ATG13: variants seen among roughly 807,000 people sequenced by gnomAD.
ATG13 encodes the protein autophagy related 13, also known as autophagy-related protein 13.
Under a neutral mutation model 65.5 loss-of-function variants are expected in ATG13, and 23 were observed. The observed-to-expected ratio is 0.35, with a 90% confidence interval of 0.25 to 0.50. ATG13 has a LOEUF of 0.50. ATG13 is among the 20% of genes least tolerant of loss of function. The pLI, the probability that ATG13 is intolerant of heterozygous loss-of-function variation, is 0.98. For missense variants in ATG13, 566 were observed against 677.0 expected (o/e 0.84, Z 1.82); for synonymous variants, 252 against 245.2 (o/e 1.03, Z -0.26).
chr11:46,620,139 G>A (rs2046986752), intron 1 of ATG13, among the ~76,000 whole-genome samples: 1 of 151,732 alleles, frequency 6.6e-6, no homozygotes, highest in African/African-American at 2.4e-5. Flanking sequence ...TGCCCAGGCT[G>A]GAGGACAGTG....
Position 46,617,654 on chromosome 11 carries a change from G to T in ATG13, c.-306G>T, listed in dbSNP as rs1475976640. On this transcript the variant is annotated 5_prime_UTR_variant, in exon 1 of 19. Coordinates refer to ENST00000683050, the MANE Select transcript of ATG13 (RefSeq NM_001346311.2). ...GGGAGTGACCGCTTAACCAGTGAGG[G>T]AAGCACTGAAGAGCGCCAGTCGACG... is the stretch of plus-strand genomic sequence containing the variant. 2.5e-5 allele frequency: 10 copies of T among 392,700 alleles called. No individual in the cohort carries two copies. In the Admixed American group the frequency reaches 4.4e-4, roughly 17 times the overall value. 24.3% of individuals were successfully genotyped at this position (392,700 alleles called of 1,614,324 possible).
intron 1 of ATG13, among the ~76,000 whole-genome samples, chr11:46,618,885 A>T (rs1280420207): frequency 1.3e-5 from 2 of 152,138 alleles, no homozygotes; most frequent in Non-Finnish European, 2.9e-5. Flanking sequence ...TGGCGCCTTC[A>T]TAGCTAACTT....
At chr11:46,652,542 T>C (rs1233003765) in intron 7 of ATG13, among the ~76,000 whole-genome samples, 1 of 151,892 alleles carries the variant, frequency 6.6e-6, no homozygotes, top group African/African-American at 2.4e-5. Context: ...TAGTGATACC[T>C]TGTCTCTACT....
At chr11:46,646,395 G>A (rs559589141) in intron 5 of ATG13, among the ~76,000 whole-genome samples, 17 of 152,140 alleles carry the variant, frequency 1.1e-4, no homozygotes, top group Non-Finnish European at 1.5e-5. Context: ...TGATCCGCCC[G>A]CATTGGCCTC....
intron 8 of ATG13, chr11:46,656,502 A>T (rs887813606): frequency 2.1e-5 from 8 of 385,268 alleles, no homozygotes; most frequent in Non-Finnish European, 3.7e-5. Context: ...CTTACTCTTT[A>T]TAAAACTGTA....
At position 46,628,444 on chromosome 11, in the gene ATG13, T is replaced by A. The variant is rs143698847; in HGVS notation, c.-69-1601T>A. Among the ~76,000 whole-genome samples the A allele has an allele frequency of 4.3e-4, 66 of 152,218 alleles. 1 individual carries two copies. The highest frequency in any genetic ancestry group is 8.4e-4 in the Non-Finnish European group (57 of 68,002). On this transcript the variant is annotated intron_variant, in intron 1 of 18. Transcript: ENST00000683050. ...CCCGCGTTTTAAGCATCCAAAGTGTTGAATATTTGTCAGCAAATAGTTTTT... is the reference window on the plus strand; with the variant it reads ...CCCGCGTTTTAAGCATCCAAAGTGTAGAATATTTGTCAGCAAATAGTTTTT...
At chr11:46,624,150 A>G (rs987222361) in intron 1 of ATG13, among the ~76,000 whole-genome samples, 7 of 151,826 alleles carry the variant, frequency 4.6e-5, no homozygotes, top group Non-Finnish European at 8.8e-5. Flanking sequence ...GACTACAGGC[A>G]TGCGTCACCA....
chr11:46,642,192 G>C (rs767648477), intron 2 of ATG13, among the ~76,000 whole-genome samples: 10 of 151,760 alleles, frequency 6.6e-5, no homozygotes, highest in African/African-American at 2.4e-5. Context: ...TTTGTTAAAT[G>C]AAACTCTAGC....
chr11:46,665,335 C>A, intron 13 of ATG13, 48 bp from the exon 14 acceptor site: 1 of 1,593,148 alleles, frequency 6.3e-7, no homozygotes, highest in Admixed American at 1.7e-5. Flanking sequence ...AGTTCCCCTC[C>A]TGCCTGGCAT....
Position 46,672,638 on chromosome 11 carries a change from G to A in ATG13, c.*306G>A, listed in dbSNP as rs774115907. On this transcript the variant is annotated 3_prime_UTR_variant, in exon 19 of 19. Transcript: ENST00000683050. ...GCCCATCACCAACTGCTTCCCAAGG[G>A]TGTCATCCTGTTCCTCCTGCTGCCG... is the stretch of plus-strand genomic sequence containing the variant. The A allele has an allele frequency of 1.4e-6, 2 of 1,398,350 alleles. No homozygotes were observed. The highest frequency in any genetic ancestry group is 1.9e-5 in the Admixed American group (1 of 53,252). The allele number at this position is 1,398,350 out of a possible 1,614,324, so 86.6% of individuals were successfully genotyped here. A position where few individuals can be genotyped will look rare whatever the true frequency, so the allele number is the denominator to read the frequency against.
At chr11:46,636,122 G>A (rs2053864551) in intron 2 of ATG13, among the ~76,000 whole-genome samples, 1 of 151,990 alleles carries the variant, frequency 6.6e-6, no homozygotes, top group South Asian at 2.1e-4. Flanking sequence ...TTATAGTTTG[G>A]ATCGCTTTAG....
chr11:46,660,732 A>T (rs2136881029), intron 11 of ATG13, among the ~76,000 whole-genome samples: 1 of 148,624 alleles, frequency 6.7e-6, no homozygotes, highest in East Asian at 2.0e-4. Context: ...AATTTGAAAC[A>T]GGGTCTCACT....
intron 5 of ATG13, among the ~76,000 whole-genome samples, chr11:46,646,567 G>A (rs369604207): frequency 5.9e-5 from 9 of 152,096 alleles, no homozygotes; most frequent in East Asian, 5.8e-4. Flanking sequence ...GGATTCAAGC[G>A]ATTCTGCTGC....
chr11:46,649,525 G>C (rs775789720), intron 6 of ATG13, among the ~76,000 whole-genome samples: 2 of 152,204 alleles, frequency 1.3e-5, no homozygotes, highest in Non-Finnish European at 2.9e-5. Context: ...TCTGTTTTCT[G>C]TGTGGCAGCC....
At position 46,674,242 on chromosome 11, in the gene ATG13, C is replaced by T. The variant is rs2064321024; in HGVS notation, c.*1910C>T. On this transcript the variant is annotated 3_prime_UTR_variant, in exon 19 of 19. Coordinates refer to ENST00000683050, the MANE Select transcript of ATG13 (RefSeq NM_001346311.2). Reference sequence around the variant, plus strand: ...TGGCAGCAGCCTTTCACCAGGGCTCCATCTGTGAAGAGTCTCAGCCATGAC... The same window carrying T: ...TGGCAGCAGCCTTTCACCAGGGCTCTATCTGTGAAGAGTCTCAGCCATGAC... 1 of 152,384 alleles carries T rather than the reference C, an allele frequency of 6.6e-6. No homozygotes were observed. Among genetic ancestry groups the T allele is most frequent in the Middle Eastern group, 3.4e-3 (1 of 294 alleles). 9.4% of individuals were successfully genotyped at this position (152,384 alleles called of 1,614,324 possible).
In ATG13 at chr11:46,672,610, C is replaced by T; in HGVS notation, c.*278C>T. On this transcript the variant is annotated 3_prime_UTR_variant, in exon 19 of 19. Transcript: ENST00000683050. Reference sequence around the variant, plus strand: ...GCCCTCAGCAGGGCCATCTGTGTGCCCTGCCCATCACCAACTGCTTCCCAA... The same window carrying T: ...GCCCTCAGCAGGGCCATCTGTGTGCTCTGCCCATCACCAACTGCTTCCCAA... 1 of 1,422,084 alleles carries T rather than the reference C, an allele frequency of 7.0e-7. No homozygotes were observed. Among genetic ancestry groups the T allele is most frequent in the East Asian group, 3.3e-5 (1 of 29,862 alleles). 88.1% of individuals were successfully genotyped at this position (1,422,084 alleles called of 1,614,324 possible). A position where few individuals can be genotyped will look rare whatever the true frequency, so the allele number is the denominator to read the frequency against.
intron 11 of ATG13, among the ~76,000 whole-genome samples, chr11:46,661,378 C>A (rs997156941): frequency 6.6e-6 from 1 of 151,180 alleles, no homozygotes; most frequent in Non-Finnish European, 1.5e-5. Context: ...ATTAGCTGGG[C>A]CTAGCGGTGG....
At chr11:46,671,265 T>G (rs1453192675) in intron 18 of ATG13, among the ~76,000 whole-genome samples, 1 of 152,200 alleles carries the variant, frequency 6.6e-6, no homozygotes, top group Non-Finnish European at 1.5e-5. Context: ...GGCAGGAAAT[T>G]GTGATGGTGA....
intron 14 of ATG13, among the ~76,000 whole-genome samples, chr11:46,666,115 A>AT (rs1353297823): frequency 2.0e-5 from 3 of 151,976 alleles, no homozygotes; most frequent in South Asian, 2.1e-4. Context: ...CCTCAAAAAT[A>AT]TTTTTTTTAA....
Sources: allele counts gnomAD v4.1 joint callset (sites outside exome capture counted in the v4.1 genomes callset), GRCh38; gene constraint gnomAD v4.1.1; transcripts MANE v1.5; gene names NCBI Gene and HGNC (gene_info 2026-07-23, HGNC 2026-07-21).